EXOG: variants seen among roughly 807,000 people sequenced by gnomAD.
EXOG encodes nuclease EXOG, mitochondrial.
EXOG carries 27 observed loss-of-function variants against 25.8 expected under a neutral mutation model. That is an observed-to-expected ratio of 1.05 (90% CI 0.77 to 1.45). EXOG has a LOEUF of 1.45. Ranked by LOEUF, EXOG falls within the 40% of genes most tolerant of loss-of-function variation. The probability of loss-of-function intolerance (pLI) is 0.00; values close to 1 mark genes in which losing one functional copy is unlikely to be tolerated. For synonymous variants in EXOG, 133 were observed against 167.0 expected (o/e 0.80, Z 1.57); for missense variants, 458 against 450.5 (o/e 1.02, Z -0.15).
At chr3:38,502,845 A>G (rs2125757611) in intron 3 of EXOG, among the ~76,000 whole-genome samples, 1 of 152,272 alleles carries the variant, frequency 6.6e-6, no homozygotes, top group East Asian at 1.9e-4. Context: ...CTTTCATGAT[A>G]TTGACAATTG....
At chr3:38,511,168 A>G (rs1015676445) in intron 5 of EXOG, among the ~76,000 whole-genome samples, 3 of 152,202 alleles carry the variant, frequency 2.0e-5, no homozygotes, top group Non-Finnish European at 4.4e-5. Flanking sequence ...ACATCCTGGC[A>G]GTCATCTCTC....
rs1032877972 is a variant in EXOG at position 38,496,352 on chromosome 3, C to G, written c.-16C>G. 10 of 1,609,510 alleles carry G rather than the reference C, an allele frequency of 6.2e-6. No homozygotes were observed. The highest frequency in any genetic ancestry group is 1.7e-5 in the Admixed American group (1 of 59,686). On this transcript the variant is annotated 5_prime_UTR_variant, in exon 1 of 6. Transcript: ENST00000287675. Reference sequence around the variant, plus strand: ...GCGCGCATGCGCCGTGGTAAAAGGCCGGTACCTCGGGCAAGATGGCTATCA... The same window carrying G: ...GCGCGCATGCGCCGTGGTAAAAGGCGGGTACCTCGGGCAAGATGGCTATCA...
intron 5 of EXOG, chr3:38,523,244 G>A (rs912203136): frequency 3.1e-6 from 4 of 1,288,446 alleles, no homozygotes; most frequent in Non-Finnish European, 4.1e-6. Context: ...ATTATGAGAT[G>A]AAGAGAAAAT....
intron 2 of EXOG, 27 bp from the exon 3 acceptor site, chr3:38,501,328 A>G (rs781170120): frequency 5.0e-6 from 8 of 1,607,802 alleles, no homozygotes; most frequent in East Asian, 2.2e-5. Context: ...TACTGATAAC[A>G]TATCCATTTT....
intron 5 of EXOG, among the ~76,000 whole-genome samples, chr3:38,518,550 T>C (rs2060615935): frequency 1.3e-5 from 2 of 152,220 alleles, no homozygotes; most frequent in African/African-American, 2.4e-5. Context: ...GGAAAGTGTT[T>C]TGTTTTCTCA....
At position 38,526,151 on chromosome 3, in the gene EXOG, G is replaced by A; in HGVS notation, c.*1789G>A. 1.0e-6 allele frequency: 1 copy of A among 985,342 alleles called. No homozygotes were observed. Among genetic ancestry groups the A allele is most frequent in the Non-Finnish European group, 1.2e-6 (1 of 829,900 alleles). The allele number at this position is 985,342 out of a possible 1,614,324, so 61.0% of individuals were successfully genotyped here. A position where few individuals can be genotyped will look rare whatever the true frequency, so the allele number is the denominator to read the frequency against. ...CCTTTCATGGACTATCCTGAGTATT[G>A]TCAGTAAAACGTCTTGGGGCATAAG... On this transcript the variant is annotated 3_prime_UTR_variant, in exon 6 of 6. Transcript: ENST00000287675.
At position 38,524,285 on chromosome 3, in the gene EXOG, A is replaced by G. The variant is rs764292229; in HGVS notation, c.1030A>G (p.Met344Val). ...NAEIEPDDYF[M>V]SRYEKKLEEL... The stretch of plus-strand genomic sequence containing the variant: ...AGAGATTGAACCAGATGATTACTTT[A>G]TGAGTCGCTATGAGAAGAAGCTAGA... The change falls in exon 6 of 6, where the codon ATG becomes GTG. Residue 344 changes from methionine to valine, a missense_variant. This residue lies in a region of EXOG where 178 missense variants were observed against 203.7 expected (regional missense o/e 0.87). Transcript: ENST00000287675. 12 of 1,614,020 alleles carry G rather than the reference A, an allele frequency of 7.4e-6. No homozygotes were observed. In the Admixed American group the frequency reaches 1.8e-4, roughly 25 times the overall value.
intron 4 of EXOG, among the ~76,000 whole-genome samples, chr3:38,506,044 C>G (rs1350981251): frequency 2.6e-5 from 4 of 151,664 alleles, no homozygotes; most frequent in Admixed American, 2.6e-4. Context: ...ATTTGGGCAC[C>G]TGTAATCCCA....
At chr3:38,521,267 AC>A (rs945354615) in intron 5 of EXOG, among the ~76,000 whole-genome samples, 67 of 152,340 alleles carry the variant, frequency 4.4e-4, no homozygotes, top group African/African-American at 1.6e-3. Flanking sequence ...GAAGGATCAC[AC>A]CTGTGATTCC....
chr3:38,521,469 G>A (rs1401438333), intron 5 of EXOG, among the ~76,000 whole-genome samples: 2 of 152,182 alleles, frequency 1.3e-5, no homozygotes, highest in African/African-American at 2.4e-5. Flanking sequence ...GGCAGCAATG[G>A]GCATGTTAAT....
At position 38,524,534 on chromosome 3, in the gene EXOG, T is replaced by C; in HGVS notation, c.*172T>C. 1 of 1,311,418 alleles carries C rather than the reference T, an allele frequency of 7.6e-7. No individual in the cohort carries two copies. The highest frequency in any genetic ancestry group is 9.9e-7 in the Non-Finnish European group (1 of 1,007,366). 81.2% of individuals were successfully genotyped at this position (1,311,418 alleles called of 1,614,324 possible). A position where few individuals can be genotyped will look rare whatever the true frequency, so the allele number is the denominator to read the frequency against. On this transcript the variant is annotated 3_prime_UTR_variant, in exon 6 of 6. Coordinates refer to ENST00000287675, the MANE Select transcript of EXOG (RefSeq NM_005107.4). ...GCAGTGGTGGAATCATAGCTCACTA[T>C]AGCCTCAAACTTCTGGGCTTAAGCA...
chr3:38,496,421 C>A lies in EXOG; in HGVS notation c.54C>A (p.Ser18Arg). ...SRLRGSRRFL[S>R]GFVAGAVVGA... ...TCCGGGGTTCCCGTCGTTTTCTGAG[C>A]GGCTTCGTGGCTGGGGCTGTAGTGG... The change falls in exon 1 of 6, where the codon AGC becomes AGA. Residue 18 changes from serine (S) to arginine (R), a missense_variant. Physicochemically the swap from Ser to Arg is moderately radical, Grantham distance 110. This residue lies in a region of EXOG where 275 missense variants were observed against 230.5 expected (regional missense o/e 1.19). Coordinates refer to ENST00000287675, the MANE Select transcript of EXOG (RefSeq NM_005107.4). 6.2e-7 allele frequency: 1 copy of A among 1,614,026 alleles called. No homozygotes were observed. The highest frequency in any genetic ancestry group is 8.5e-7 in the Non-Finnish European group (1 of 1,179,956).
Position 38,524,376 on chromosome 3 carries a change from A to G in EXOG, c.*14A>G. The G allele has an allele frequency of 6.3e-7, 1 of 1,589,702 alleles. No individual in the cohort carries two copies. Among genetic ancestry groups the G allele is most frequent in the Non-Finnish European group, 8.5e-7 (1 of 1,170,338 alleles). On this transcript the variant is annotated 3_prime_UTR_variant, in exon 6 of 6. Coordinates refer to ENST00000287675, the MANE Select transcript of EXOG (RefSeq NM_005107.4). ...AAGCCATCCTAGTTTTTATCTCAAG[A>G]TGTGTCATACCGTCTGTAATGAAGC...
intron 5 of EXOG, among the ~76,000 whole-genome samples, chr3:38,509,400 G>A (rs751596498): frequency 6.6e-5 from 10 of 152,088 alleles, no homozygotes; most frequent in African/African-American, 2.2e-4. Flanking sequence ...CCCAAATGCC[G>A]TAGTGGAAAA....
intron 3 of EXOG, among the ~76,000 whole-genome samples, chr3:38,501,876 G>A (rs1261698976): frequency 6.6e-6 from 1 of 152,196 alleles, no homozygotes; most frequent in East Asian, 1.9e-4. Flanking sequence ...CTCTTGAGTG[G>A]CTGGGATTAC....
In EXOG at chr3:38,496,405, C is replaced by G. The variant is rs142607341; in HGVS notation, c.38C>G (p.Ser13Cys). The change falls in exon 1 of 6, where the codon TCC (serine) becomes TGC (cysteine). Residue 13 changes from serine to cysteine, a missense_variant. This residue lies in a region of EXOG where 275 missense variants were observed against 230.5 expected (regional missense o/e 1.19). Transcript: ENST00000287675. ...AGTATCGCTTCCCGCCTCCGGGGTT[C>G]CCGTCGTTTTCTGAGCGGCTTCGTG... is the stretch of plus-strand genomic sequence containing the variant. ...IKSIASRLRG[S>C]RRFLSGFVAG... is the part of the protein sequence containing the mutation. 1.4e-5 allele frequency: 22 copies of G among 1,613,916 alleles called. No homozygotes were observed. The African/African-American group carries it at 2.5e-4, about 19-fold the overall frequency.
chr3:38,515,666 C>A, intron 5 of EXOG: 1 of 159,196 alleles, frequency 6.3e-6, no homozygotes, highest in Non-Finnish European at 1.4e-5. Flanking sequence ...ATGGTCAGGC[C>A]CGCTACACCC....
intron 5 of EXOG, among the ~76,000 whole-genome samples, chr3:38,508,710 CA>C (rs1254412056): frequency 6.1e-4 from 74 of 120,572 alleles, no homozygotes; most frequent in African/African-American, 2.5e-3. Context: ...ATTGAGGAAC[CA>C]CCCCCCCCCC....
rs1367797597 is a variant in EXOG at position 38,522,415 on chromosome 3, G to A, written c.646-1486G>A. On this transcript the variant is annotated intron_variant, in intron 5 of 5. Transcript: ENST00000287675. ...GCCCGGGAGGGGCAGTAATACCAATGAGCATGTTTTAGTTGGATTATGTCA... is the reference window on the plus strand; with the variant it reads ...GCCCGGGAGGGGCAGTAATACCAATAAGCATGTTTTAGTTGGATTATGTCA... Among the ~76,000 whole-genome samples the A allele has an allele frequency of 4.6e-5, 7 of 152,244 alleles. No homozygotes were observed. In the South Asian group the frequency reaches 1.4e-3, roughly 32 times the overall value.
Sources: gnomAD v4.1 joint callset for allele counts (sites outside exome capture counted in the v4.1 genomes callset) on GRCh38, gnomAD v4.1.1 for gene constraint, gnomAD v4.1.1 regional missense constraint, MANE v1.5 for transcripts, NCBI Gene and HGNC (gene_info 2026-07-23, HGNC 2026-07-21) for gene names.